Variants in CTNND1 observed in about 807,000 individuals in gnomAD.
The protein encoded by CTNND1 is catenin delta-1.
CTNND1 carries 16 observed loss-of-function variants against 112.1 expected under a neutral mutation model. The observed-to-expected ratio is 0.14, with a 90% CI of 0.10 to 0.22. The LOEUF (loss-of-function observed/expected upper bound fraction) is 0.22, where lower values mean the gene tolerates loss of function less well. Ranked by LOEUF, CTNND1 falls within the 10% of genes least tolerant of loss-of-function variation. The pLI is 1.00. For synonymous variants in CTNND1, 420 were observed against 446.5 expected (o/e 0.94, Z 0.75); for missense variants, 1,008 against 1,257.0 (o/e 0.80, Z 3.00).
intron 14 of CTNND1, 130 bp from the exon 15 acceptor site, chr11:57,809,144 C>T: frequency 1.6e-6 from 1 of 643,052 alleles, no homozygotes; most frequent in Non-Finnish European, 2.7e-6. Context: ...TATGATAATC[C>T]TATAGGATAA....
intron 6 of CTNND1, 40 bp downstream of exon 6, chr11:57,797,032 A>AC: frequency 7.1e-7 from 1 of 1,406,542 alleles, no homozygotes; most frequent in Non-Finnish European, 9.3e-7. Flanking sequence ...TCTTTCCAAG[A>AC]CCAGGGACAA....
In CTNND1 at chr11:57,809,427, C is replaced by T; in HGVS notation, c.2396C>T (p.Thr799Ile). 6.2e-7 allele frequency: 1 copy of T among 1,613,578 alleles called. No individual in the cohort carries two copies. The highest frequency in any genetic ancestry group is 2.2e-5 in the East Asian group (1 of 44,882). ...GAGGCTGCCAAAAAGCTTCGAGAGACACAGGGTATTGAGAAGCTGGTGTTG... is the reference window on the plus strand; with the variant it reads ...GAGGCTGCCAAAAAGCTTCGAGAGATACAGGGTATTGAGAAGCTGGTGTTG... ...NLEAAKKLRE[T>I]QGIEKLVLIN... Residue 799 changes from threonine to isoleucine, a missense_variant, in exon 15 of 21, where the codon ACA becomes ATA. By Grantham distance (89) the Thr-to-Ile change is moderately conservative. Transcript: ENST00000399050.
At chr11:57,782,635 A>G (rs1272823893) in intron 1 of CTNND1, among the ~76,000 whole-genome samples, 1 of 152,218 alleles carries the variant, frequency 6.6e-6, no homozygotes, top group East Asian at 1.9e-4. Flanking sequence ...GTTACAGTCT[A>G]TTTCTACCAC....
chr11:57,791,668 C>T lies in CTNND1; in HGVS notation c.190C>T (p.His64Tyr). 6.4e-7 allele frequency: 1 copy of T among 1,567,742 alleles called. No individual in the cohort carries two copies. The highest frequency in any genetic ancestry group is 1.2e-5 in the South Asian group (1 of 85,690). Residue 64 changes from histidine (H) to tyrosine (Y), a missense_variant, in exon 3 of 21, where the codon CAT becomes TAT. His to Tyr is a moderately conservative substitution (Grantham distance 83). Coordinates refer to ENST00000399050, the MANE Select transcript of CTNND1 (RefSeq NM_001085458.2). ...GGCCAACGGCACACTCACCCGCCGG[C>T]ATCAGGTAACCCCTCTCTCCATCAG... ...LMANGTLTRR[H>Y]QNGRFVGDAD...
At chr11:57,811,368 G>A in intron 16 of CTNND1, 31 bp from the exon 17 acceptor site, 1 of 1,549,870 alleles carries the variant, frequency 6.5e-7, no homozygotes, top group African/African-American at 1.4e-5. Flanking sequence ...TCAGTATTCT[G>A]TCACATTGTC....
At chr11:57,794,361 G>C (rs1443667209) in intron 4 of CTNND1, among the ~76,000 whole-genome samples, 1 of 152,126 alleles carries the variant, frequency 6.6e-6, no homozygotes, top group East Asian at 1.9e-4. Context: ...GAGACAGTAG[G>C]CTTCTACTTT....
At chr11:57,812,116 G>C (rs11570219) in intron 17 of CTNND1, among the ~76,000 whole-genome samples, 5,173 of 152,318 alleles carry the variant, frequency 0.034, 120 homozygotes, top group Non-Finnish European at 0.053. Context: ...GCTTCTTGCT[G>C]GTGGCTTAGC....
chr11:57,772,846 C>CCTCTTTCTCT (rs1275425856), intron 1 of CTNND1, among the ~76,000 whole-genome samples: 12 of 151,722 alleles, frequency 7.9e-5, no homozygotes, highest in Non-Finnish European at 1.5e-4. Flanking sequence ...TCTCCCTCTC[C>CCTCTTTCTCT]CTCTTTCTCT....
intron 3 of CTNND1, among the ~76,000 whole-genome samples, chr11:57,792,434 T>TGC (rs2060853244): frequency 6.6e-6 from 1 of 152,228 alleles, no homozygotes; most frequent in Non-Finnish European, 1.5e-5. Context: ...TGTGCGTGTG[T>TGC]GCGCGCGCAC....
chr11:57,771,210 TGA>T (rs1402864009), intron 1 of CTNND1, among the ~76,000 whole-genome samples: 1 of 152,188 alleles, frequency 6.6e-6, no homozygotes, highest in Non-Finnish European at 1.5e-5. Flanking sequence ...AAAAGAAATT[TGA>T]GAGTCTGTTT....
rs2060393529 is a variant in CTNND1 at position 57,788,780 on chromosome 11, C to G, written c.-213-257C>G. ...TTTTTATACATATTATAACCTGTTC[C>G]TGGTTATATATGGAAATACAAATAG... is the stretch of plus-strand genomic sequence containing the variant. On this transcript the variant is annotated intron_variant, in intron 1 of 20. Coordinates refer to ENST00000399050, the MANE Select transcript of CTNND1 (RefSeq NM_001085458.2). This position sits in a 1 kb window ranked among gnomAD's most constrained non-coding sequence, Gnocchi z 4.1. 1.3e-5 allele frequency among the ~76,000 whole-genome samples: 2 copies of G among 152,082 alleles called. No individual in the cohort carries two copies. Among genetic ancestry groups the G allele is most frequent in the Admixed American group, 1.3e-4 (2 of 15,266 alleles).
chr11:57,789,107 TG>T lies in CTNND1; in HGVS notation c.-140del, dbSNP rs1245709468. 1 of 1,535,672 alleles carries T rather than the reference TG, an allele frequency of 6.5e-7. No individual in the cohort carries two copies. Among genetic ancestry groups the T allele is most frequent in the African/African-American group, 1.4e-5 (1 of 73,050 alleles). On this transcript the variant is annotated 5_prime_UTR_variant, in exon 2 of 21. Transcript: ENST00000399050. ...CTTCCATGATTTTTTGAATCTAGAC[TG>T]GGCTGTTCTCTGTGTTAAACCAATC...
intron 18 of CTNND1, 111 bp downstream of exon 18, chr11:57,814,484 A>G (rs2063727937): frequency 1.4e-6 from 1 of 734,340 alleles, no homozygotes; most frequent in Non-Finnish European, 2.3e-6. Flanking sequence ...CCATCCTGGG[A>G]GAGCATTGGC....
intron 1 of CTNND1, 32 bp downstream of exon 1, chr11:57,762,151 C>T (rs962591208): frequency 7.5e-6 from 7 of 934,284 alleles, no homozygotes; most frequent in African/African-American, 1.8e-5. Flanking sequence ...ACGGGAGAGT[C>T]TGTTATGCTG....
intron 3 of CTNND1, 23 bp downstream of exon 3, chr11:57,791,696 G>T (rs764368800): frequency 2.0e-6 from 3 of 1,509,862 alleles, no homozygotes; most frequent in Non-Finnish European, 2.7e-6. Flanking sequence ...TCCATCAGAC[G>T]TGCAGGTAGG....
At chr11:57,789,584 A>G (rs1387845897) in intron 2 of CTNND1, among the ~76,000 whole-genome samples, 1 of 152,228 alleles carries the variant, frequency 6.6e-6, no homozygotes, top group African/African-American at 2.4e-5. Context: ...AGAGTGTCCA[A>G]TCTTTTGGCT....
intron 6 of CTNND1, among the ~76,000 whole-genome samples, chr11:57,798,115 GA>G (rs1382777415): frequency 2.0e-5 from 3 of 152,036 alleles, no homozygotes; most frequent in Non-Finnish European, 4.4e-5. Flanking sequence ...TTGGGAGGCC[GA>G]GTTGGGCGGA....
rs1231501476 is a variant in CTNND1, at chr11:57,816,388, C to G, written c.*80C>G. ...AAATTGACTGATGATTTTCCTTTTTCTTCGCTGGACTATTGTGCCAACTGC... is the reference window on the plus strand; with the variant it reads ...AAATTGACTGATGATTTTCCTTTTTGTTCGCTGGACTATTGTGCCAACTGC... On this transcript the variant is annotated 3_prime_UTR_variant, in exon 21 of 21. Transcript: ENST00000399050. 9 of 1,570,256 alleles carry G rather than the reference C, an allele frequency of 5.7e-6. No individual in the cohort carries two copies. In the East Asian group the frequency reaches 1.8e-4, roughly 31 times the overall value.
intron 1 of CTNND1, among the ~76,000 whole-genome samples, chr11:57,765,899 G>A (rs1351938498): frequency 2.0e-5 from 3 of 152,086 alleles, no homozygotes; most frequent in African/African-American, 7.2e-5. Flanking sequence ...GGCCTGGTGC[G>A]GTGGCTCACG....
Sources: allele counts gnomAD v4.1 joint callset (sites outside exome capture counted in the v4.1 genomes callset), GRCh38; gene constraint gnomAD v4.1.1; non-coding constraint Gnocchi (gnomAD v3.1); transcripts MANE v1.5; gene names NCBI Gene and HGNC (gene_info 2026-07-23, HGNC 2026-07-21).